The following PARP8 variants were observed in gnomAD, a reference collection of about 807,000 sequenced individuals.
PARP8 encodes the protein protein mono-ADP-ribosyltransferase PARP8.
In PARP8, 51 loss-of-function variants were observed where a neutral mutation model predicts 124.1. The ratio of observed to expected loss-of-function variants is 0.41; its 90% CI spans 0.33 to 0.52. PARP8 has a LOEUF of 0.52. Among genes scored for constraint, PARP8 ranks in the 20% least tolerant of loss-of-function variants. The pLI is 0.21. For synonymous variants in PARP8, 391 were observed against 361.5 expected (o/e 1.08, Z -0.93); for missense variants, 860 against 1,018.9 (o/e 0.84, Z 2.12).
At position 50,832,782 on chromosome 5, in the gene PARP8, G is replaced by A; in HGVS notation, c.2235G>A (p.Gly745=). The A allele has an allele frequency of 6.2e-7, 1 of 1,613,290 alleles. No individual in the cohort carries two copies. The highest frequency in any genetic ancestry group is 8.5e-7 in the Non-Finnish European group (1 of 1,179,494). The change falls in exon 23 of 26, where the codon GGG becomes GGA. Residue 745 remains glycine (G), a splice_region_variant and synonymous_variant. Coordinates refer to ENST00000281631, the MANE Select transcript of PARP8 (RefSeq NM_024615.4). ...TTATTATTTTGCCGATGTTTTCAGG[G>A]ATGAACAAGAAACAGAAGGTGTCAG... ...PMSSISFGYS[G]MNKKQKVSAK...
At chr5:50,683,177 C>G (rs796345110) in intron 2 of PARP8, among the ~76,000 whole-genome samples, 6 of 152,204 alleles carry the variant, frequency 3.9e-5, no homozygotes, top group African/African-American at 1.2e-4. Flanking sequence ...TGATTTAAAT[C>G]CTTTTATCCT....
chr5:50,709,880 T>G (rs145266173), intron 2 of PARP8, among the ~76,000 whole-genome samples: 1,855 of 144,760 alleles, frequency 0.013, 48 homozygotes, highest in African/African-American at 0.045. Flanking sequence ...TGTGTGTTTG[T>G]GTTGGGGGGG....
chr5:50,757,267 TA>T (rs201888827), intron 3 of PARP8: 93 of 391,082 alleles, frequency 2.4e-4, no homozygotes, highest in East Asian at 6.0e-4. Flanking sequence ...GACTGAATCA[TA>T]AAAAAAAACA....
chr5:50,800,507 G>A (rs1743082312), intron 14 of PARP8, among the ~76,000 whole-genome samples: 2 of 152,206 alleles, frequency 1.3e-5, no homozygotes. Context: ...GTGATTTAGG[G>A]GGAAAATGTT....
At chr5:50,737,155 T>C (rs572837323) in intron 2 of PARP8, among the ~76,000 whole-genome samples, 3 of 152,294 alleles carry the variant, frequency 2.0e-5, no homozygotes, top group East Asian at 3.9e-4. Context: ...TCACCATCTG[T>C]AAGTCTGGGA....
chr5:50,777,599 G>A (rs1740173866), intron 7 of PARP8, among the ~76,000 whole-genome samples: 1 of 151,638 alleles, frequency 6.6e-6, no homozygotes, highest in African/African-American at 2.4e-5. Flanking sequence ...CATTTAAGTG[G>A]CAGAACACTT....
intron 2 of PARP8, chr5:50,739,051 C>T (rs1468494899): frequency 1.4e-6 from 1 of 702,544 alleles, no homozygotes; most frequent in Admixed American, 2.0e-5. Context: ...TCTGCTTCCT[C>T]ATTCACATCT....
intron 7 of PARP8, among the ~76,000 whole-genome samples, chr5:50,767,967 C>T (rs1463065724): frequency 6.6e-6 from 1 of 152,030 alleles, no homozygotes; most frequent in Non-Finnish European, 1.5e-5. Flanking sequence ...TTCCTAGGAA[C>T]ATGTGGTAGA....
chr5:50,829,125 C>T (rs1746665794), intron 21 of PARP8, among the ~76,000 whole-genome samples: 1 of 152,064 alleles, frequency 6.6e-6, no homozygotes, highest in South Asian at 2.1e-4. Flanking sequence ...CCATCTGATA[C>T]CTGCTTTTCC....
At chr5:50,707,407 C>T (rs1340617734) in intron 2 of PARP8, among the ~76,000 whole-genome samples, 2 of 151,972 alleles carry the variant, frequency 1.3e-5, no homozygotes, top group Non-Finnish European at 2.9e-5. Flanking sequence ...TTTTTGTACT[C>T]ATTTCACAGT....
At chr5:50,750,023 GAA>G in intron 2 of PARP8, 126 bp from the exon 3 acceptor site, 2 of 725,856 alleles carry the variant, frequency 2.8e-6, no homozygotes, top group Non-Finnish European at 4.7e-6. Flanking sequence ...ATCTGTTTTG[GAA>G]GTTTCCTGTT....
chr5:50,666,920 C>CT lies in PARP8; in HGVS notation c.-176_-175insT, dbSNP rs1392940124. The CT allele has an allele frequency of 5.3e-5, 73 of 1,365,742 alleles. No individual in the cohort carries two copies. Among genetic ancestry groups the CT allele is most frequent in the African/African-American group, 9.0e-5 (6 of 66,912 alleles). 84.6% of individuals were successfully genotyped at this position (1,365,742 alleles called of 1,614,324 possible). Reference sequence around the variant, plus strand: ...CGACCTCCCCCTCCTCCTCCTCCTCCCCCTCCTCCTCCTCCTCTTCTCTCA... The same window carrying CT: ...CGACCTCCCCCTCCTCCTCCTCCTCCTCCCTCCTCCTCCTCCTCTTCTCTCA... On this transcript the variant is annotated 5_prime_UTR_variant, in exon 1 of 26. It introduces an in-frame stop codon into an upstream open reading frame of the 5' UTR. Transcript: ENST00000281631.
intron 22 of PARP8, among the ~76,000 whole-genome samples, chr5:50,831,875 C>T (rs1202353248): frequency 6.6e-6 from 1 of 152,124 alleles, no homozygotes; most frequent in Admixed American, 6.5e-5. Flanking sequence ...ATGTAAGAAT[C>T]ACTACAGTAA....
At chr5:50,754,852 C>G (rs1759739329) in intron 3 of PARP8, among the ~76,000 whole-genome samples, 1 of 152,116 alleles carries the variant, frequency 6.6e-6, no homozygotes, top group Admixed American at 6.5e-5. Context: ...CCTGTTGTTT[C>G]CTGACTTTTT....
chr5:50,783,007 A>G (rs971417438), intron 9 of PARP8, among the ~76,000 whole-genome samples: 17 of 152,124 alleles, frequency 1.1e-4, no homozygotes, highest in African/African-American at 4.1e-4. Flanking sequence ...GAAATCTTAC[A>G]GGTTCTAGAA....
chr5:50,824,017 T>C (rs2149706035), intron 17 of PARP8, among the ~76,000 whole-genome samples: 1 of 152,344 alleles, frequency 6.6e-6, no homozygotes, highest in East Asian at 1.9e-4. Flanking sequence ...AAATACAACA[T>C]TATACTGTGC....
intron 7 of PARP8, among the ~76,000 whole-genome samples, chr5:50,764,154 T>A (rs1405773611): frequency 6.6e-6 from 1 of 152,224 alleles, no homozygotes; most frequent in Admixed American, 6.5e-5. Context: ...CACATTTGGC[T>A]CTTACCTTGT....
intron 2 of PARP8, among the ~76,000 whole-genome samples, chr5:50,675,433 T>C (rs1362189900): frequency 6.6e-6 from 1 of 152,140 alleles, no homozygotes; most frequent in Non-Finnish European, 1.5e-5. Flanking sequence ...GTCTCTCAAG[T>C]AACTGGGATT....
At chr5:50,742,745 C>T (rs181479025) in intron 2 of PARP8, among the ~76,000 whole-genome samples, 37 of 152,242 alleles carry the variant, frequency 2.4e-4, no homozygotes, top group Admixed American at 2.3e-3. Flanking sequence ...GCACCAGGCC[C>T]CTTAGTTTCA....
Sources: allele counts gnomAD v4.1 joint callset (sites outside exome capture counted in the v4.1 genomes callset), GRCh38; gene constraint gnomAD v4.1.1; transcripts MANE v1.5; gene names NCBI Gene and HGNC (gene_info 2026-07-23, HGNC 2026-07-21).